Variants in ZMYM4 observed in about 807,000 individuals in gnomAD.
ZMYM4 encodes zinc finger MYM-type containing 4.
ZMYM4 carries 31 observed loss-of-function variants against 183.2 expected under a neutral mutation model. That is an observed-to-expected ratio of 0.17 (90% CI 0.13 to 0.23). ZMYM4 has a LOEUF of 0.23. ZMYM4 is among the 10% of genes least tolerant of loss of function. The probability of loss-of-function intolerance (pLI) is 1.00; values close to 1 mark genes in which losing one functional copy is unlikely to be tolerated. For synonymous variants in ZMYM4, 592 were observed against 631.2 expected, an observed-to-expected ratio of 0.94 and a Z score of 0.93; for missense variants, 1,273 against 1,840.3, an observed-to-expected ratio of 0.69 and a Z score of 5.64.
intron 7 of ZMYM4, among the ~76,000 whole-genome samples, chr1:35,380,756 T>G (rs1052805579): frequency 1.3e-5 from 2 of 152,224 alleles, no homozygotes; most frequent in Non-Finnish European, 2.9e-5. Flanking sequence ...TCAATGCCTT[T>G]GTTACTAGTG....
At chr1:35,284,656 T>G (rs1208380566) in intron 1 of ZMYM4, among the ~76,000 whole-genome samples, 1 of 152,208 alleles carries the variant, frequency 6.6e-6, no homozygotes, top group Admixed American at 6.5e-5. Flanking sequence ...ACAACAAATT[T>G]ATTTCTTACA....
At chr1:35,404,611 A>G (rs981032889) in intron 23 of ZMYM4, among the ~76,000 whole-genome samples, 5 of 152,090 alleles carry the variant, frequency 3.3e-5, no homozygotes, top group African/African-American at 7.2e-5. Context: ...TTGGACATCT[A>G]TGCATCATTG....
chr1:35,418,648 C>G, intron 29 of ZMYM4, 76 bp downstream of exon 29: 1 of 1,568,598 alleles, frequency 6.4e-7, no homozygotes, highest in Non-Finnish European at 8.7e-7. Flanking sequence ...GCTTGAACAT[C>G]AGAAAAGTAG....
chr1:35,339,179 TTG>T (rs1403614723), intron 2 of ZMYM4, among the ~76,000 whole-genome samples: 1 of 152,200 alleles, frequency 6.6e-6, no homozygotes, highest in Non-Finnish European at 1.5e-5. Flanking sequence ...CTTCTTTTTC[TTG>T]TCATTATTCC....
intron 2 of ZMYM4, among the ~76,000 whole-genome samples, chr1:35,327,833 A>C (rs1642569196): frequency 6.6e-6 from 1 of 152,190 alleles, no homozygotes; most frequent in African/African-American, 2.4e-5. Flanking sequence ...ATCCATTCTA[A>C]ATTTCAAGTT....
At chr1:35,318,054 G>GTTTTTTTT in intron 1 of ZMYM4, among the ~76,000 whole-genome samples, 1 of 116,604 alleles carries the variant, frequency 8.6e-6, no homozygotes, top group Non-Finnish European at 1.7e-5. Context: ...GATTATGGCA[G>GTTTTTTTT]TTTTTTTTTT....
chr1:35,271,406 ATTATTATTATTT>A (rs955512551), intron 1 of ZMYM4, among the ~76,000 whole-genome samples: 6 of 151,436 alleles, frequency 4.0e-5, no homozygotes, highest in African/African-American at 1.5e-4. Context: ...AAACTTTATT[ATTATTATTATTT>A]TTGAGACAGA....
At chr1:35,343,635 C>T (rs1233656064) in intron 2 of ZMYM4, among the ~76,000 whole-genome samples, 19 of 152,194 alleles carry the variant, frequency 1.2e-4, no homozygotes, top group Admixed American at 1.1e-3. Context: ...GAGGCCAAGG[C>T]GGGCGGATTG....
At position 35,269,897 on chromosome 1, in the gene ZMYM4, C is replaced by T. The variant is rs371689550; in HGVS notation, c.39+812C>T. On this transcript the variant is annotated intron_variant, in intron 1 of 29. Coordinates refer to ENST00000314607, the MANE Select transcript of ZMYM4 (RefSeq NM_005095.3). The stretch of plus-strand genomic sequence containing the variant: ...CGATTGAGCAATATCCCTCACTTTT[C>T]TTTTACTTCCTCCCCGCTTAGCATG... Among the ~76,000 whole-genome samples the T allele has an allele frequency of 3.0e-4, 46 of 152,256 alleles. No individual in the cohort carries two copies. The East Asian group carries it at 5.4e-3, about 18-fold the overall frequency.
At chr1:35,351,547 T>G in intron 2 of ZMYM4, 1 of 1,145,332 alleles carries the variant, frequency 8.7e-7, no homozygotes, top group East Asian at 2.3e-5. Context: ...AGAAGAAAGA[T>G]CAGGTAACTC....
At chr1:35,353,302 C>T (rs1643697091) in intron 2 of ZMYM4, among the ~76,000 whole-genome samples, 1 of 152,100 alleles carries the variant, frequency 6.6e-6, no homozygotes, top group Non-Finnish European at 1.5e-5. Flanking sequence ...TCTTCTGCTC[C>T]GTATAACATT....
At chr1:35,341,311 A>G (rs914942582) in intron 2 of ZMYM4, among the ~76,000 whole-genome samples, 2 of 152,110 alleles carry the variant, frequency 1.3e-5, no homozygotes, top group African/African-American at 4.8e-5. Context: ...TGAAAATGAT[A>G]CATGTACATA....
rs766964903 is a variant in ZMYM4 at position 35,314,272 on chromosome 1, CA to C, written c.40-11078del. ...ACTATAGTTTATTTTTCTTTTCCCTCAAAAAAAAAATAGTTTACTCTTTTTT... is the reference window on the plus strand; with the variant it reads ...ACTATAGTTTATTTTTCTTTTCCCTCAAAAAAAAATAGTTTACTCTTTTTT... On this transcript the variant is annotated intron_variant, in intron 1 of 29. Coordinates refer to ENST00000314607, the MANE Select transcript of ZMYM4 (RefSeq NM_005095.3). Among the ~76,000 whole-genome samples the C allele has an allele frequency of 4.6e-3, 678 of 147,500 alleles. 2 individuals carry two copies. Among genetic ancestry groups the C allele is most frequent in the Non-Finnish European group, 5.0e-3 (333 of 66,540 alleles).
intron 1 of ZMYM4, among the ~76,000 whole-genome samples, chr1:35,297,447 C>T (rs1486950999): frequency 6.6e-6 from 1 of 150,590 alleles, no homozygotes; most frequent in Non-Finnish European, 1.5e-5. Flanking sequence ...GCCGAGGTCA[C>T]GCCACTGCAC....
At chr1:35,315,012 G>T (rs564630353) in intron 1 of ZMYM4, among the ~76,000 whole-genome samples, 1 of 150,162 alleles carries the variant, frequency 6.7e-6, no homozygotes, top group East Asian at 2.0e-4. Flanking sequence ...ACAAGAGCAA[G>T]ACTCCATCTC....
chr1:35,343,135 C>G (rs544974024), intron 2 of ZMYM4, among the ~76,000 whole-genome samples: 2 of 152,252 alleles, frequency 1.3e-5, no homozygotes, highest in South Asian at 4.1e-4. Context: ...TTCATCTGTT[C>G]TTTGGATTGC....
chr1:35,357,461 A>C (rs1643862366), intron 2 of ZMYM4, among the ~76,000 whole-genome samples: 1 of 152,202 alleles, frequency 6.6e-6, no homozygotes, highest in South Asian at 2.1e-4. Flanking sequence ...CATAGAGTTT[A>C]TAAGGGTATG....
intron 1 of ZMYM4, among the ~76,000 whole-genome samples, chr1:35,283,583 C>T (rs1316664981): frequency 3.3e-5 from 5 of 151,298 alleles, no homozygotes; most frequent in East Asian, 3.9e-4. Context: ...GTGAGCCACC[C>T]GCCTCGGCCT....
At chr1:35,396,471 A>G (rs41308250) in intron 18 of ZMYM4, 81 bp from the exon 19 acceptor site, 20,139 of 1,572,254 alleles carry the variant, frequency 0.013, 159 homozygotes, top group Non-Finnish European at 0.016. Context: ...ATAAACCTCC[A>G]TAAGCTTTTT....
Sources: allele counts gnomAD v4.1 joint callset (sites outside exome capture counted in the v4.1 genomes callset), GRCh38; gene constraint gnomAD v4.1.1; transcripts MANE v1.5; gene names NCBI Gene and HGNC (gene_info 2026-07-23, HGNC 2026-07-21).